WWOX: variants seen among roughly 807,000 people sequenced by gnomAD.
WWOX encodes the protein WW domain containing oxidoreductase.
WWOX carries 69 observed loss-of-function variants against 46.2 expected under a neutral mutation model. That is an observed-to-expected ratio of 1.49 (90% confidence interval 1.23 to 1.82). The LOEUF (loss-of-function observed/expected upper bound fraction) is 1.82, where lower values mean the gene tolerates loss of function less well. WWOX is among the 40% of genes most tolerant of loss of function. WWOX has a pLI of 0.00. For missense variants in WWOX, 919 were observed against 542.6 expected (o/e 1.69, Z -6.89); for synonymous variants, 359 against 202.6 (o/e 1.77, Z -6.56).
intron 8 of WWOX, among the ~76,000 whole-genome samples, chr16:78,781,859 T>C (rs1291292176): frequency 6.6e-6 from 1 of 152,212 alleles, no homozygotes; most frequent in Non-Finnish European, 1.5e-5. Context: ...TATGAGCAGG[T>C]AACATGCATT....
intron 8 of WWOX, among the ~76,000 whole-genome samples, chr16:78,992,876 C>T (rs1245956803): frequency 6.6e-6 from 1 of 152,058 alleles, no homozygotes; most frequent in East Asian, 1.9e-4. Flanking sequence ...GATTTAACGA[C>T]CCGCAAATTT....
At chr16:78,113,986 GTTT>G (rs199905196) in intron 3 of WWOX, among the ~76,000 whole-genome samples, 1,947 of 150,020 alleles carry the variant, frequency 0.013, 18 homozygotes, top group Non-Finnish European at 0.022. Context: ...CTTCTTAATA[GTTT>G]TTAAGATATT....
At chr16:78,159,546 T>C (rs1002182955) in intron 4 of WWOX, among the ~76,000 whole-genome samples, 2 of 152,126 alleles carry the variant, frequency 1.3e-5, no homozygotes, top group African/African-American at 4.8e-5. Flanking sequence ...GACATCTCAC[T>C]GTGGTTTCAA....
At chr16:78,947,085 T>A (rs2045963665) in intron 8 of WWOX, among the ~76,000 whole-genome samples, 1 of 147,176 alleles carries the variant, frequency 6.8e-6, no homozygotes, top group African/African-American at 2.5e-5. Context: ...GCCTTACTGC[T>A]CAATAAATCC....
intron 8 of WWOX, among the ~76,000 whole-genome samples, chr16:78,754,249 T>C (rs1487246737): frequency 3.9e-5 from 6 of 152,110 alleles, no homozygotes; most frequent in African/African-American, 1.4e-4. Flanking sequence ...CCTGAGATTC[T>C]TGCTTCCTTC....
At chr16:78,388,782 C>T (rs2082114463) in intron 6 of WWOX, among the ~76,000 whole-genome samples, 1 of 151,180 alleles carries the variant, frequency 6.6e-6, no homozygotes, top group Non-Finnish European at 1.5e-5. Context: ...CCAGCCTGGG[C>T]AACAAGGTAA....
intron 8 of WWOX, among the ~76,000 whole-genome samples, chr16:78,652,187 A>G (rs891420465): frequency 4.8e-5 from 7 of 145,906 alleles, no homozygotes; most frequent in African/African-American, 1.7e-4. Context: ...TGAGGTGGGC[A>G]GATCACGAGG....
At chr16:78,594,144 C>T (rs1171282831) in intron 8 of WWOX, among the ~76,000 whole-genome samples, 1 of 152,026 alleles carries the variant, frequency 6.6e-6, no homozygotes, top group African/African-American at 2.4e-5. Context: ...CTTATTAATG[C>T]CCATCCTTTA....
intron 8 of WWOX, among the ~76,000 whole-genome samples, chr16:78,473,345 G>C (rs1317252746): frequency 6.6e-6 from 1 of 152,164 alleles, no homozygotes; most frequent in Non-Finnish European, 1.5e-5. Context: ...GGCCAGGCTA[G>C]TCTTGAACTC....
chr16:78,156,123 C>G (rs1039816666), intron 4 of WWOX, among the ~76,000 whole-genome samples: 8 of 152,182 alleles, frequency 5.3e-5, no homozygotes, highest in African/African-American at 1.9e-4. Context: ...TGTAATTTCA[C>G]AAGACACAGA....
intron 8 of WWOX, among the ~76,000 whole-genome samples, chr16:78,557,646 TTGC>T (rs1443487108): frequency 6.6e-6 from 1 of 151,328 alleles, no homozygotes; most frequent in Non-Finnish European, 1.5e-5. Flanking sequence ...ATTTTTCATT[TTGC>T]CCGGAAATGC....
At chr16:79,197,502 C>A (rs548315427) in intron 8 of WWOX, among the ~76,000 whole-genome samples, 1 of 152,022 alleles carries the variant, frequency 6.6e-6, no homozygotes, top group African/African-American at 2.4e-5. Flanking sequence ...TGAACACTTA[C>A]TGGTACACCA....
chr16:78,562,259 C>T (rs931709866), intron 8 of WWOX, among the ~76,000 whole-genome samples: 2 of 152,230 alleles, frequency 1.3e-5, no homozygotes, highest in African/African-American at 4.8e-5. Context: ...CTGCCTCTAG[C>T]TCTCACACTG....
intron 8 of WWOX, among the ~76,000 whole-genome samples, chr16:78,517,942 T>C (rs2043273524): frequency 6.7e-6 from 1 of 149,124 alleles, no homozygotes; most frequent in Non-Finnish European, 1.5e-5. Context: ...TTTTCTTTAC[T>C]AGTGAGTGGC....
intron 7 of WWOX, among the ~76,000 whole-genome samples, chr16:78,425,413 G>A (rs1160120108): frequency 1.3e-5 from 2 of 152,144 alleles, no homozygotes; most frequent in Non-Finnish European, 2.9e-5. Context: ...ATTCTAGCAG[G>A]AGAAACAATG....
At chr16:79,126,750 A>G (rs1467885045) in intron 8 of WWOX, among the ~76,000 whole-genome samples, 1 of 152,216 alleles carries the variant, frequency 6.6e-6, no homozygotes, top group Non-Finnish European at 1.5e-5. Context: ...CCTGAAGGTT[A>G]GACTAAGAAA....
At chr16:78,169,978 A>G (rs780588725) in intron 5 of WWOX, among the ~76,000 whole-genome samples, 1 of 152,130 alleles carries the variant, frequency 6.6e-6, no homozygotes, top group Non-Finnish European at 1.5e-5. Context: ...GGACATTGAG[A>G]TGGCCACAGG....
At chr16:78,499,230 G>C (rs920127590) in intron 8 of WWOX, among the ~76,000 whole-genome samples, 3 of 151,904 alleles carry the variant, frequency 2.0e-5, no homozygotes, top group Non-Finnish European at 4.4e-5. Flanking sequence ...TTTGCTTTGG[G>C]GGGGTGAGGG....
At chr16:78,156,306 T>G (rs1461394533) in intron 4 of WWOX, among the ~76,000 whole-genome samples, 3 of 152,022 alleles carry the variant, frequency 2.0e-5, no homozygotes, top group African/African-American at 7.2e-5. Context: ...ACAGGTTTGT[T>G]TGGGAAAATA....
Sources: gnomAD v4.1 joint callset for allele counts (sites outside exome capture counted in the v4.1 genomes callset) on GRCh38, gnomAD v4.1.1 for gene constraint, MANE v1.5 for transcripts, NCBI Gene and HGNC (gene_info 2026-07-23, HGNC 2026-07-21) for gene names.